Variants in EPHA6 observed in about 807,000 individuals in gnomAD.
EPHA6 encodes EPH receptor A6, also known as ephrin type-A receptor 6.
In EPHA6, 50 loss-of-function variants were observed where a neutral mutation model predicts 112.0. That is an observed-to-expected ratio of 0.45 (90% CI 0.36 to 0.56). EPHA6 has a LOEUF of 0.56. EPHA6 is among the 20% of genes least tolerant of loss of function. The pLI is 0.00. For missense variants in EPHA6, 1,280 were observed against 1,417.4 expected (o/e 0.90, Z 1.56); for synonymous variants, 529 against 490.7 (o/e 1.08, Z -1.03).
At position 97,099,007 on chromosome 3, in the gene EPHA6, T is replaced by A. The variant is rs531882745; in HGVS notation, c.1114+111014T>A. ...AGCATGTAACAGTGTGGACAGAAAA[T>A]TTGCAGAAGGCTGTATAATAATAAA... On this transcript the variant is annotated intron_variant, in intron 3 of 17. Coordinates refer to ENST00000389672, the MANE Select transcript of EPHA6 (RefSeq NM_001080448.3). Among the ~76,000 whole-genome samples the A allele has an allele frequency of 7.2e-5, 11 of 152,026 alleles. No homozygotes were observed. The East Asian group carries it at 2.1e-3, about 29-fold the overall frequency.
intron 14 of EPHA6, among the ~76,000 whole-genome samples, chr3:97,642,318 G>A (rs1220459429): frequency 8.9e-6 from 1 of 111,854 alleles, no homozygotes; most frequent in African/African-American, 3.5e-5. Context: ...ACCAAAAGTA[G>A]ATAAAACCAC....
Position 97,610,836 on chromosome 3 carries a change from C to G in EPHA6, c.2556C>G (p.Ser852=). 1 of 1,611,372 alleles carries G rather than the reference C, an allele frequency of 6.2e-7. No individual in the cohort carries two copies. Among genetic ancestry groups the G allele is most frequent in the Non-Finnish European group, 8.5e-7 (1 of 1,178,248 alleles). The change falls in exon 13 of 18, where the codon TCC becomes TCG. Residue 852 remains serine, a synonymous_variant. Coordinates refer to ENST00000389672, the MANE Select transcript of EPHA6 (RefSeq NM_001080448.3). ...TGGTGGAATATATGGAGAATGGATC[C>G]CTAGACTCCTTTTTGCGGGTGAGGT... The part of the protein sequence containing the change: ...MIVVEYMENG[S]LDSFLRKHDG...
intron 2 of EPHA6, among the ~76,000 whole-genome samples, chr3:96,897,621 C>G (rs1227723140): frequency 6.6e-6 from 1 of 152,020 alleles, no homozygotes; most frequent in Non-Finnish European, 1.5e-5. Flanking sequence ...GTCATTTGTC[C>G]CTGAGCAGAT....
chr3:96,908,500 T>G (rs1418706897), intron 2 of EPHA6, among the ~76,000 whole-genome samples: 2 of 151,942 alleles, frequency 1.3e-5, no homozygotes, highest in East Asian at 3.9e-4. Flanking sequence ...TTTTTGTGCT[T>G]GGATAGCTTA....
intron 10 of EPHA6, among the ~76,000 whole-genome samples, chr3:97,498,429 G>A (rs764466150): frequency 1.1e-4 from 16 of 151,746 alleles, no homozygotes; most frequent in South Asian, 4.2e-4. Flanking sequence ...TTTTCAGCTC[G>A]TTGTTGGGTC....
rs1334029987 is a variant in EPHA6, at chr3:97,736,097, C to T, written c.3107C>T (p.Thr1036Ile). 3 of 1,611,918 alleles carry T rather than the reference C, an allele frequency of 1.9e-6. No individual in the cohort carries two copies. Among genetic ancestry groups the T allele is most frequent in the Non-Finnish European group, 2.5e-6 (3 of 1,178,752 alleles). The change falls in exon 16 of 18, where the codon ACC (threonine) becomes ATC (isoleucine). Residue 1036 changes from threonine (T) to isoleucine (I), a missense_variant. Thr to Ile is a moderately conservative substitution (Grantham distance 89). This residue lies in a region of EPHA6 where 145 missense variants were observed against 153.3 expected (regional missense o/e 0.95). Transcript: ENST00000389672. ...ATCCGAAATCCCAGTGCCCTTCACA[C>T]CCTGGTGGAGGACATCCTTGTGTAA... ...KLIRNPSALH[T>I]LVEDILVMPE...
intron 16 of EPHA6, among the ~76,000 whole-genome samples, chr3:97,740,934 C>T (rs1283108805): frequency 6.6e-6 from 1 of 151,812 alleles, no homozygotes; most frequent in Non-Finnish European, 1.5e-5. Context: ...CTTTTCATGA[C>T]AGAGAAATAA....
At chr3:97,003,263 A>G (rs1028661052) in intron 3 of EPHA6, among the ~76,000 whole-genome samples, 1 of 152,102 alleles carries the variant, frequency 6.6e-6, no homozygotes, top group African/African-American at 2.4e-5. Flanking sequence ...GCACACCACC[A>G]TGCCCAGCTA....
At chr3:97,561,867 C>T (rs1017264702) in intron 11 of EPHA6, among the ~76,000 whole-genome samples, 1 of 152,100 alleles carries the variant, frequency 6.6e-6, no homozygotes, top group Non-Finnish European at 1.5e-5. Flanking sequence ...AGCCAATTCT[C>T]ATTTACCATT....
chr3:97,484,958 A>G (rs919977957), intron 10 of EPHA6, among the ~76,000 whole-genome samples: 2 of 152,266 alleles, frequency 1.3e-5, no homozygotes, highest in Non-Finnish European at 2.9e-5. Flanking sequence ...TAACATGGAC[A>G]TACTTAATTG....
intron 3 of EPHA6, among the ~76,000 whole-genome samples, chr3:97,194,657 A>C (rs2077394247): frequency 6.6e-6 from 1 of 150,592 alleles, no homozygotes; most frequent in South Asian, 2.1e-4. Context: ...CAATGCTGAA[A>C]GTGGTGTGTT....
intron 3 of EPHA6, among the ~76,000 whole-genome samples, chr3:97,204,098 A>C (rs1009716902): frequency 1.3e-5 from 2 of 152,174 alleles, no homozygotes; most frequent in Non-Finnish European, 2.9e-5. Flanking sequence ...TTTTAAACTT[A>C]GAAGAGTTAA....
At chr3:97,513,067 CCA>C (rs2092392646) in intron 10 of EPHA6, among the ~76,000 whole-genome samples, 2 of 152,102 alleles carry the variant, frequency 1.3e-5, no homozygotes, top group African/African-American at 4.8e-5. Flanking sequence ...TCCAATCAAT[CCA>C]TATTTTACTA....
At chr3:97,645,183 A>C (rs534307612) in intron 14 of EPHA6, among the ~76,000 whole-genome samples, 1 of 151,870 alleles carries the variant, frequency 6.6e-6, no homozygotes, top group African/African-American at 2.4e-5. Context: ...CCAAAGGACT[A>C]TAAATCATGC....
chr3:96,987,025 C>T (rs1559647127), intron 2 of EPHA6, among the ~76,000 whole-genome samples: 2 of 152,126 alleles, frequency 1.3e-5, no homozygotes, highest in Non-Finnish European at 2.9e-5. Flanking sequence ...CTAATTTACA[C>T]CTTACAACAA....
intron 5 of EPHA6, among the ~76,000 whole-genome samples, chr3:97,316,849 T>C (rs1048238780): frequency 5.3e-4 from 80 of 151,972 alleles, no homozygotes; most frequent in African/African-American, 1.9e-3. Context: ...ATCTAAACAG[T>C]TTCTTACTGG....
intron 3 of EPHA6, among the ~76,000 whole-genome samples, chr3:97,159,360 A>T (rs1468870700): frequency 6.6e-6 from 1 of 152,170 alleles, no homozygotes; most frequent in Non-Finnish European, 1.5e-5. Flanking sequence ...CAATGGAATC[A>T]TCATTACGTA....
At chr3:97,296,446 C>T (rs1288590037) in intron 5 of EPHA6, among the ~76,000 whole-genome samples, 1 of 152,072 alleles carries the variant, frequency 6.6e-6, no homozygotes, top group Non-Finnish European at 1.5e-5. Flanking sequence ...ATCCTCATTC[C>T]CCTTGAAGAA....
At chr3:97,224,944 G>C (rs894413523) in intron 3 of EPHA6, among the ~76,000 whole-genome samples, 1 of 151,060 alleles carries the variant, frequency 6.6e-6, no homozygotes, top group Non-Finnish European at 1.5e-5. Context: ...TGCTTTTTTG[G>C]GTTTTTTTGT....
Sources: allele counts gnomAD v4.1 joint callset (sites outside exome capture counted in the v4.1 genomes callset), GRCh38; gene constraint gnomAD v4.1.1; regional missense constraint gnomAD v4.1.1; transcripts MANE v1.5; gene names NCBI Gene and HGNC (gene_info 2026-07-23, HGNC 2026-07-21).